HLA-F: variants seen among roughly 807,000 people sequenced by gnomAD.
HLA-F encodes the protein major histocompatibility complex, class I, F.
A neutral mutation model predicts 49.5 loss-of-function variants in HLA-F; 46 were observed. That is an observed-to-expected ratio of 0.93 (90% CI 0.73 to 1.19). The LOEUF (loss-of-function observed/expected upper bound fraction) is 1.19, where lower values mean the gene tolerates loss of function less well. Among genes scored for constraint, HLA-F ranks in the 50% most tolerant of loss-of-function variants. The pLI is 0.00. For missense variants in HLA-F, 496 were observed against 579.6 expected (o/e 0.86, Z 1.48); for synonymous variants, 203 against 233.5 (o/e 0.87, Z 1.19).
intron 3 of HLA-F, among the ~76,000 whole-genome samples, chr6:29,734,224 G>A (rs939658643): frequency 2.0e-5 from 3 of 152,202 alleles, no homozygotes; most frequent in Non-Finnish European, 4.4e-5. Flanking sequence ...TACGCATGAG[G>A]TGTATGGTGT....
intron 3 of HLA-F, chr6:29,736,158 ACT>A: frequency 1.8e-5 from 5 of 275,566 alleles, no homozygotes; most frequent in South Asian, 1.7e-4. Flanking sequence ...CAAGTTCCTG[ACT>A]GACCAAGCAA....
chr6:29,723,590 G>A lies in HLA-F; in HGVS notation c.64+63G>A, dbSNP rs1583251366. 8.8e-6 allele frequency: 14 copies of A among 1,597,782 alleles called. No individual in the cohort carries two copies. The East Asian group carries it at 1.6e-4, about 18-fold the overall frequency. ...GAGGAGTGAGGGGCCCGCCCGGTGG[G>A]GGCGCAGGACTCAGGGAGCCGCCTC... is the stretch of plus-strand genomic sequence containing the variant. On this transcript the variant is annotated intron_variant, in intron 1 of 6. Coordinates refer to ENST00000259951, the MANE Select transcript of HLA-F (RefSeq NM_001098479.2).
chr6:29,726,652 A>G, intron 6 of HLA-F: 1 of 1,493,964 alleles, frequency 6.7e-7, no homozygotes, highest in Non-Finnish European at 9.1e-7. Context: ...ATTTGGAACT[A>G]GCCAGCTTGA....
downstream of HLA-F, among the ~76,000 whole-genome samples, chr6:29,730,333 T>C (rs1776464474): frequency 6.6e-6 from 1 of 152,180 alleles, no homozygotes; most frequent in South Asian, 2.1e-4. Flanking sequence ...GTGATGCAGC[T>C]AAAATAGGCA....
chr6:29,734,635 A>G (rs1371509155), intron 3 of HLA-F, among the ~76,000 whole-genome samples: 1 of 152,176 alleles, frequency 6.6e-6, no homozygotes, highest in Non-Finnish European at 1.5e-5. Flanking sequence ...TCTATTCTTC[A>G]GCCTCTTTTT....
chr6:29,725,524 G>T lies in HLA-F; in HGVS notation c.964G>T (p.Ala322Ser). The change falls in exon 5 of 7, where the codon GCT becomes TCT. Residue 322 changes from alanine (A) to serine (S), a missense_variant. Coordinates refer to ENST00000259951, the MANE Select transcript of HLA-F (RefSeq NM_001098479.2). The part of the protein sequence containing the change: ...LVVLGAVVTG[A>S]VVAAVMWRKK... ...TGTCCTTGGAGCTGTGGTCACTGGA[G>T]CTGTGGTCGCTGCTGTGATGTGGAG... 2 of 1,614,168 alleles carry T rather than the reference G, an allele frequency of 1.2e-6. No homozygotes were observed. The highest frequency in any genetic ancestry group is 1.7e-6 in the Non-Finnish European group (2 of 1,180,002).
chr6:29,727,173 T>C lies in HLA-F; in HGVS notation c.1327T>C (p.Ter443ArgextTer5). 6.4e-7 allele frequency: 1 copy of C among 1,574,146 alleles called. No homozygotes were observed. Among genetic ancestry groups the C allele is most frequent in the African/African-American group, 1.4e-5 (1 of 72,940 alleles). ...MKRVQIKIFD[*>R] The stretch of plus-strand genomic sequence containing the variant: ...AAGGGTCCAGATTAAGATTTTTGAC[T>C]GAGTCATTCTAAAGTAAGTTGCAAG... Residue 443 changes from the stop codon to arginine, a stop_lost, in exon 7 of 7, where the codon TGA becomes CGA. Coordinates refer to ENST00000259951, the MANE Select transcript of HLA-F (RefSeq NM_001098479.2).
intron 3 of HLA-F, among the ~76,000 whole-genome samples, chr6:29,733,380 G>C (rs1212730699): frequency 6.6e-6 from 1 of 151,974 alleles, no homozygotes; most frequent in Non-Finnish European, 1.5e-5. Context: ...ATTCAAGTAG[G>C]CATTGATCTG....
chr6:29,726,103 G>A lies in HLA-F; in HGVS notation c.1036+60G>A, dbSNP rs1776031605. The A allele has an allele frequency of 7.9e-6, 12 of 1,522,450 alleles. No individual in the cohort carries two copies. The South Asian group carries it at 1.3e-4, about 17-fold the overall frequency. The allele number at this position is 1,522,450 out of a possible 1,614,324, so 94.3% of individuals were successfully genotyped here. On this transcript the variant is annotated intron_variant, in intron 6 of 6. Coordinates refer to ENST00000259951, the MANE Select transcript of HLA-F (RefSeq NM_001098479.2). Reference sequence around the variant, plus strand: ...GGATATTGTGGTCAGGAGCCTATGAGGGAGCTCACCCACCCCACAGTTCCT... The same window carrying A: ...GGATATTGTGGTCAGGAGCCTATGAAGGAGCTCACCCACCCCACAGTTCCT...
chr6:29,724,652 AAATTTCTGAGGG>A (rs72366349), intron 3 of HLA-F, among the ~76,000 whole-genome samples: 27,062 of 151,862 alleles, frequency 0.18, 2,805 homozygotes, highest in South Asian at 0.3. Context: ...TTAAGGGATG[AAATTTCTGAGGG>A]AATGGAGGGA....
downstream of HLA-F, chr6:29,728,043 A>G (rs1414173852): frequency 3.9e-6 from 2 of 518,906 alleles, no homozygotes; most frequent in East Asian, 5.4e-5. Context: ...CTATGTCTGG[A>G]AAAATGTTTT....
downstream of HLA-F, among the ~76,000 whole-genome samples, chr6:29,727,503 T>C (rs1776219517): frequency 6.6e-6 from 1 of 152,222 alleles, no homozygotes; most frequent in Non-Finnish European, 1.5e-5. Flanking sequence ...TGTGGAATCT[T>C]CTCCACACTG....
intron 3 of HLA-F, 127 bp downstream of exon 3, chr6:29,724,575 T>G: frequency 1.0e-6 from 1 of 975,294 alleles, no homozygotes; most frequent in Non-Finnish European, 1.5e-6. Context: ...GTAGGAAGAA[T>G]CTTCCTGGCT....
At chr6:29,738,006 A>T (rs1185079564) in intron 3 of HLA-F, 1 of 152,310 alleles carries the variant, frequency 6.6e-6, no homozygotes, top group Non-Finnish European at 1.5e-5. Context: ...TCTTCTCTGC[A>T]TGGGAGTGAG....
intron 6 of HLA-F, chr6:29,726,606 A>G: frequency 6.6e-7 from 1 of 1,516,190 alleles, no homozygotes. Flanking sequence ...GAATAGAGAG[A>G]TTAAGATTCT....
Position 29,725,269 on chromosome 6 carries a change from G to T in HLA-F, c.849G>T (p.Gln283His), listed in dbSNP as rs1376924600. ...AACAGAGATACACATGCCATGTGCA[G>T]CACGAGGGGCTGCCCCAGCCCCTCA... ...GEEQRYTCHV[Q>H]HEGLPQPLIL... Residue 283 changes from glutamine to histidine, a missense_variant, in exon 4 of 7, where the codon CAG becomes CAT. Coordinates refer to ENST00000259951, the MANE Select transcript of HLA-F (RefSeq NM_001098479.2). 6.2e-7 allele frequency: 1 copy of T among 1,614,176 alleles called. No homozygotes were observed.
intron 3 of HLA-F, 61 bp downstream of exon 3, chr6:29,724,509 A>C (rs1402130554): frequency 3.2e-6 from 5 of 1,566,600 alleles, no homozygotes; most frequent in African/African-American, 1.4e-5. Flanking sequence ...GGCCTCGCAC[A>C]AGGTTGGGAG....
downstream of HLA-F, among the ~76,000 whole-genome samples, chr6:29,729,743 A>T (rs770580511): frequency 3.3e-5 from 5 of 152,258 alleles, no homozygotes; most frequent in Non-Finnish European, 5.9e-5. Flanking sequence ...TTTGCCAATT[A>T]TATACCTGAT....
At chr6:29,723,562 G>A (rs756258830) in intron 1 of HLA-F, 35 bp downstream of exon 1, 2 of 1,603,630 alleles carry the variant, frequency 1.2e-6, no homozygotes, top group Non-Finnish European at 1.7e-6. Flanking sequence ...CGGCCTCTGT[G>A]GGGAGGAGTG....
Sources: gnomAD v4.1 joint callset for allele counts (sites outside exome capture counted in the v4.1 genomes callset) on GRCh38, gnomAD v4.1.1 for gene constraint, MANE v1.5 for transcripts, NCBI Gene and HGNC (gene_info 2026-07-23, HGNC 2026-07-21) for gene names.